The following RBFOX3 variants were observed in gnomAD, a reference collection of about 807,000 sequenced individuals.
The protein encoded by RBFOX3 is RNA binding fox-1 homolog 3.
In RBFOX3, 17 loss-of-function variants were observed where a neutral mutation model predicts 48.7. The ratio of observed to expected loss-of-function variants is 0.35; its 90% CI spans 0.24 to 0.52. The LOEUF is 0.52. Among genes scored for constraint, RBFOX3 ranks in the 20% least tolerant of loss-of-function variants. The probability of loss-of-function intolerance (pLI) is 0.94; values close to 1 mark genes in which losing one functional copy is unlikely to be tolerated. For synonymous variants in RBFOX3, 212 were observed against 209.5 expected, an observed-to-expected ratio of 1.01 and a Z score of -0.10; for missense variants, 382 against 497.5, an observed-to-expected ratio of 0.77 and a Z score of 2.21.
At chr17:79,211,667 C>G (rs1299635612) in intron 4 of RBFOX3, among the ~76,000 whole-genome samples, 1 of 152,170 alleles carries the variant, frequency 6.6e-6, no homozygotes, top group Non-Finnish European at 1.5e-5. Context: ...GCAGATACCC[C>G]AAGGTCAGAG....
intron 5 of RBFOX3, among the ~76,000 whole-genome samples, chr17:79,110,193 A>C (rs1599468372): frequency 6.6e-6 from 1 of 151,292 alleles, no homozygotes; most frequent in East Asian, 2.0e-4. Flanking sequence ...AGAAAAGGAC[A>C]GGACTGCCCT....
intron 1 of RBFOX3, among the ~76,000 whole-genome samples, chr17:79,511,021 C>G (rs946802404): frequency 6.6e-6 from 1 of 152,184 alleles, no homozygotes; most frequent in African/African-American, 2.4e-5. Flanking sequence ...GGCTGCCCCC[C>G]AGAACCTCCT....
At chr17:79,575,213 T>C (rs2092818221) in intron 1 of RBFOX3, among the ~76,000 whole-genome samples, 1 of 152,118 alleles carries the variant, frequency 6.6e-6, no homozygotes, top group African/African-American at 2.4e-5. Context: ...TAGTTATGAA[T>C]TACAGCATGG....
intron 4 of RBFOX3, among the ~76,000 whole-genome samples, chr17:79,218,021 G>A (rs577941231): frequency 6.6e-6 from 1 of 152,244 alleles, no homozygotes; most frequent in South Asian, 2.1e-4. Flanking sequence ...GGAAGTCGGG[G>A]TAGAGGGAGG....
chr17:79,638,670 G>A, the RBFOX3 span, among the ~76,000 whole-genome samples: 1 of 152,318 alleles, frequency 6.6e-6, no homozygotes, highest in African/African-American at 2.4e-5. Flanking sequence ...GATCCTTCAT[G>A]AATACGTTAA....
chr17:79,478,228 T>C (rs1173550165), intron 2 of RBFOX3, among the ~76,000 whole-genome samples: 1 of 152,190 alleles, frequency 6.6e-6, no homozygotes, highest in East Asian at 1.9e-4. Flanking sequence ...GCGTGATGGA[T>C]GAGTGCAGGA....
In RBFOX3 at chr17:79,330,135, G is replaced by A. The variant is rs540685758; in HGVS notation, c.-174-22311C>T. Among the ~76,000 whole-genome samples the A allele has an allele frequency of 1.2e-4, 19 of 152,320 alleles. No homozygotes were observed. The East Asian group carries it at 1.4e-3, about 11-fold the overall frequency. On this transcript the variant is annotated intron_variant, in intron 2 of 14. Coordinates refer to ENST00000693108, the MANE Select transcript of RBFOX3 (RefSeq NM_001350451.2). ...TGTGTGTGTGCAGGTGCGTGTGGGC[G>A]CGCGTGTACCTGCGTGTCTTCACTG...
chr17:79,148,894 T>C (rs1051534775), intron 4 of RBFOX3, among the ~76,000 whole-genome samples: 1 of 152,222 alleles, frequency 6.6e-6, no homozygotes, highest in African/African-American at 2.4e-5. Flanking sequence ...GATCAGGTCC[T>C]GAGTTTGTAA....
intron 4 of RBFOX3, among the ~76,000 whole-genome samples, chr17:79,129,001 T>A (rs1337351088): frequency 1.2e-4 from 18 of 152,086 alleles, no homozygotes; most frequent in Admixed American, 1.2e-3. Flanking sequence ...TTCCAGAACC[T>A]CAGCAGTGGA....
intron 4 of RBFOX3, among the ~76,000 whole-genome samples, chr17:79,131,312 G>A (rs1475653612): frequency 6.6e-6 from 1 of 152,216 alleles, no homozygotes; most frequent in Non-Finnish European, 1.5e-5. Flanking sequence ...TCCGTGTGCT[G>A]TGCTCTGTGC....
intron 3 of RBFOX3, among the ~76,000 whole-genome samples, chr17:79,304,460 T>C (rs1342739452): frequency 1.3e-5 from 2 of 150,612 alleles, no homozygotes; most frequent in African/African-American, 4.9e-5. Flanking sequence ...TATAAATATA[T>C]AGCATGATCC....
intron 3 of RBFOX3, among the ~76,000 whole-genome samples, chr17:79,237,923 T>C (rs917006765): frequency 8.8e-6 from 1 of 114,192 alleles, no homozygotes; most frequent in Non-Finnish European, 1.8e-5. Context: ...AACTGCTGCC[T>C]TCGTTAATTT....
chr17:79,215,702 C>T (rs376644605), intron 4 of RBFOX3, among the ~76,000 whole-genome samples: 4 of 152,358 alleles, frequency 2.6e-5, no homozygotes, highest in South Asian at 2.1e-4. Flanking sequence ...CATGGCTGGA[C>T]GTAGCCCAGC....
At chr17:79,468,156 C>T (rs1258055794) in intron 2 of RBFOX3, among the ~76,000 whole-genome samples, 2 of 152,186 alleles carry the variant, frequency 1.3e-5, no homozygotes, top group African/African-American at 4.8e-5. Context: ...CCCTGAACCC[C>T]ACACGCTAAG....
intron 4 of RBFOX3, among the ~76,000 whole-genome samples, chr17:79,221,617 C>T (rs552862925): frequency 3.3e-5 from 5 of 152,336 alleles, no homozygotes; most frequent in South Asian, 2.1e-4. Context: ...AGGTGGGGTC[C>T]GGGCGAATTC....
intron 1 of RBFOX3, among the ~76,000 whole-genome samples, chr17:79,518,318 C>T (rs1028727819): frequency 6.6e-6 from 1 of 152,194 alleles, no homozygotes; most frequent in Non-Finnish European, 1.5e-5. Context: ...CGCACAGACC[C>T]ACTATATACG....
At position 79,401,992 on chromosome 17, in the gene RBFOX3, C is replaced by T. The variant is rs779695430; in HGVS notation, c.-175+80462G>A. 3.3e-5 allele frequency among the ~76,000 whole-genome samples: 5 copies of T among 152,228 alleles called. No homozygotes were observed. In the East Asian group the frequency reaches 5.8e-4, roughly 18 times the overall value. On this transcript the variant is annotated intron_variant, in intron 2 of 14. Transcript: ENST00000693108. ...GCTCTCTTACAGGTGAGACCTTCCACGTTACCTGCAGAGCAGCCACCTGGG... is the reference window on the plus strand; with the variant it reads ...GCTCTCTTACAGGTGAGACCTTCCATGTTACCTGCAGAGCAGCCACCTGGG...
intron 1 of RBFOX3, among the ~76,000 whole-genome samples, chr17:79,549,493 T>C (rs1445290032): frequency 6.6e-6 from 1 of 152,266 alleles, no homozygotes; most frequent in Non-Finnish European, 1.5e-5. Flanking sequence ...CAAGTGAATC[T>C]GATACCAGGG....
intron 1 of RBFOX3, among the ~76,000 whole-genome samples, chr17:79,594,290 A>G (rs1258798862): frequency 6.6e-6 from 1 of 152,184 alleles, no homozygotes; most frequent in African/African-American, 2.4e-5. Flanking sequence ...CTTCTAGAAG[A>G]TTCTGCATAT....
Sources: gnomAD v4.1 joint callset for allele counts (sites outside exome capture counted in the v4.1 genomes callset) on GRCh38, gnomAD v4.1.1 for gene constraint, MANE v1.5 for transcripts, NCBI Gene and HGNC (gene_info 2026-07-23, HGNC 2026-07-21) for gene names.